NXPE2: variants seen among roughly 807,000 people sequenced by gnomAD.
NXPE2 encodes the protein NXPE family member 2.
In NXPE2, 34 loss-of-function variants were observed where a neutral mutation model predicts 34.4. That is an observed-to-expected ratio of 0.99 (90% CI 0.75 to 1.31). NXPE2 has a LOEUF of 1.31. Ranked by LOEUF, NXPE2 falls within the 40% of genes most tolerant of loss-of-function variation. NXPE2 has a pLI of 0.00. For missense variants in NXPE2, 649 were observed against 672.5 expected (o/e 0.97, Z 0.39); for synonymous variants, 235 against 231.3 (o/e 1.02, Z -0.15).
At chr11:114,579,640 A>T in the NXPE2 span, among the ~76,000 whole-genome samples, 4 of 152,212 alleles carry the variant, frequency 2.6e-5, no homozygotes, top group African/African-American at 9.6e-5. Flanking sequence ...CACTGTATGC[A>T]TTACCTCATT....
the NXPE2 span, among the ~76,000 whole-genome samples, chr11:114,484,137 G>A: frequency 6.6e-6 from 1 of 152,074 alleles, no homozygotes; most frequent in South Asian, 2.1e-4. Flanking sequence ...ATGACCTAAT[G>A]TGACTCAGCA....
chr11:114,623,693 G>A, the NXPE2 span, among the ~76,000 whole-genome samples: 2 of 152,042 alleles, frequency 1.3e-5, no homozygotes, highest in African/African-American at 4.8e-5. Context: ...TGCCTCGTGG[G>A]AAAACAGTGT....
At chr11:114,662,665 G>T in the NXPE2 span, among the ~76,000 whole-genome samples, 15 of 152,058 alleles carry the variant, frequency 9.9e-5, no homozygotes, top group African/African-American at 3.4e-4. Context: ...GGAGGAGAGG[G>T]AAGAGTGGTG....
chr11:114,647,624 T>C, the NXPE2 span, among the ~76,000 whole-genome samples: 4 of 152,150 alleles, frequency 2.6e-5, no homozygotes, highest in Admixed American at 2.0e-4. Flanking sequence ...TTTCAGCTTC[T>C]GGATTATATA....
At chr11:114,491,949 A>T in the NXPE2 span, among the ~76,000 whole-genome samples, 1 of 152,154 alleles carries the variant, frequency 6.6e-6, no homozygotes, top group African/African-American at 2.4e-5. Flanking sequence ...CATAGGTGGG[A>T]ATTGAACAAT....
the NXPE2 span, among the ~76,000 whole-genome samples, chr11:114,482,803 T>C: frequency 6.6e-6 from 1 of 152,210 alleles, no homozygotes; most frequent in Non-Finnish European, 1.5e-5. Flanking sequence ...ATGTGTGTCA[T>C]TTCATAAGAA....
At chr11:114,606,938 C>T in the NXPE2 span, among the ~76,000 whole-genome samples, 1 of 151,872 alleles carries the variant, frequency 6.6e-6, no homozygotes, top group African/African-American at 2.4e-5. Flanking sequence ...CATGGGTAAC[C>T]ACTGTTATCC....
the NXPE2 span, among the ~76,000 whole-genome samples, chr11:114,467,248 G>C: frequency 6.6e-6 from 1 of 152,182 alleles, no homozygotes; most frequent in Non-Finnish European, 1.5e-5. Flanking sequence ...TTATACTGTG[G>C]TGGTAAAAAA....
the NXPE2 span, among the ~76,000 whole-genome samples, chr11:114,491,148 G>A: frequency 3.1e-5 from 3 of 96,046 alleles, no homozygotes; most frequent in African/African-American, 1.5e-4. Context: ...CGGCCTGGGC[G>A]ACAGAGCGAG....
chr11:114,618,351 C>A, the NXPE2 span, among the ~76,000 whole-genome samples: 1 of 146,454 alleles, frequency 6.8e-6, no homozygotes, highest in African/African-American at 2.5e-5. Flanking sequence ...GTTACCTGGT[C>A]AATAATAAGT....
the NXPE2 span, among the ~76,000 whole-genome samples, chr11:114,813,176 C>G: frequency 6.6e-6 from 1 of 152,236 alleles, no homozygotes; most frequent in African/African-American, 2.4e-5. Flanking sequence ...GCTGCTGTAT[C>G]CACCCAGTGG....
At chr11:114,661,025 A>G in the NXPE2 span, among the ~76,000 whole-genome samples, 2 of 152,182 alleles carry the variant, frequency 1.3e-5, no homozygotes, top group Non-Finnish European at 2.9e-5. Context: ...GGCACGGAAA[A>G]CATGAAATAC....
At chr11:114,487,174 A>G in the NXPE2 span, among the ~76,000 whole-genome samples, 1 of 152,026 alleles carries the variant, frequency 6.6e-6, no homozygotes, top group Non-Finnish European at 1.5e-5. Flanking sequence ...TTCTTGCATC[A>G]GTGTTTTATA....
the NXPE2 span, among the ~76,000 whole-genome samples, chr11:114,755,736 A>ATC: frequency 0.019 from 2,746 of 148,272 alleles, 27 homozygotes; most frequent in Middle Eastern, 0.052. Flanking sequence ...CTCTTCACCC[A>ATC]TCTCTCTCTC....
At chr11:114,542,369 T>G in the NXPE2 span, among the ~76,000 whole-genome samples, 2 of 152,310 alleles carry the variant, frequency 1.3e-5, no homozygotes, top group Non-Finnish European at 2.9e-5. Flanking sequence ...AGATCGTTCC[T>G]AAGGAATCTA....
chr11:114,635,116 T>G, the NXPE2 span, among the ~76,000 whole-genome samples: 3 of 151,602 alleles, frequency 2.0e-5, no homozygotes, highest in East Asian at 5.8e-4. Context: ...TTCTTCCATT[T>G]GTTTGTATCC....
chr11:114,709,602 C>G (rs539880898), downstream of NXPE2, among the ~76,000 whole-genome samples: 10 of 152,258 alleles, frequency 6.6e-5, no homozygotes, highest in South Asian at 8.3e-4. Flanking sequence ...TGGAATAAAA[C>G]AAAACTAGAA....
At chr11:114,633,019 A>ATAATATATAATAATATATATTATATATTT in the NXPE2 span, among the ~76,000 whole-genome samples, 2 of 109,448 alleles carry the variant, frequency 1.8e-5, no homozygotes, top group Non-Finnish European at 3.3e-5. Flanking sequence ...ATTATATAAT[A>ATAATATATAATAATATATATTATATATTT]TATAATGTAA....
chr11:114,813,047 C>A, the NXPE2 span, among the ~76,000 whole-genome samples: 1 of 152,186 alleles, frequency 6.6e-6, no homozygotes, highest in African/African-American at 2.4e-5. Flanking sequence ...TCCCTCAACT[C>A]ATCCTTATTA....
Sources: allele counts gnomAD v4.1 joint callset (sites outside exome capture counted in the v4.1 genomes callset), GRCh38; gene constraint gnomAD v4.1.1; transcripts MANE v1.5; gene names NCBI Gene and HGNC (gene_info 2026-07-23, HGNC 2026-07-21).